PIAS4: variants seen among roughly 807,000 people sequenced by gnomAD.
PIAS4 encodes E3 SUMO-protein ligase PIAS4.
PIAS4 carries 7 observed loss-of-function variants against 58.0 expected under a neutral mutation model. The observed-to-expected ratio is 0.12, with a 90% CI of 0.07 to 0.23. PIAS4 has a LOEUF of 0.23. Ranked by LOEUF, PIAS4 falls within the 10% of genes least tolerant of loss-of-function variation. The probability of loss-of-function intolerance (pLI) is 1.00; values close to 1 mark genes in which losing one functional copy is unlikely to be tolerated. For synonymous variants in PIAS4, 364 were observed against 312.4 expected (o/e 1.17, Z -1.74); for missense variants, 550 against 709.5 (o/e 0.78, Z 2.55).
At chr19:4,030,947 C>T (rs1165208287) in intron 7 of PIAS4, among the ~76,000 whole-genome samples, 1 of 152,186 alleles carries the variant, frequency 6.6e-6, no homozygotes, top group Non-Finnish European at 1.5e-5. Context: ...CTGGGACCAC[C>T]TGCCAGGCTG....
rs753839916 is a variant in PIAS4 at position 4,013,000 on chromosome 19, G to A, written c.105G>A (p.Lys35=). 2 of 1,613,686 alleles carry A rather than the reference G, an allele frequency of 1.2e-6. No individual in the cohort carries two copies. Among genetic ancestry groups the A allele is most frequent in the East Asian group, 2.2e-5 (1 of 44,866 alleles). Residue 35 remains lysine (K), a synonymous_variant, in exon 2 of 11, where the codon AAG becomes AAA. Transcript: ENST00000262971. ...TGGGCCGGAGTAAGAGTGGACTGAA[G>A]CACGAGCTCGTCACCAGGGCCCTCC... ...GFVGRSKSGL[K]HELVTRALQL...
intron 7 of PIAS4, 135 bp downstream of exon 7, chr19:4,029,171 C>A (rs1216913960): frequency 1.5e-6 from 1 of 653,244 alleles, no homozygotes. Context: ...GGGTCCATGG[C>A]CCCCCGGCTG....
At chr19:4,015,385 C>G (rs2040042066) in intron 2 of PIAS4, among the ~76,000 whole-genome samples, 1 of 152,146 alleles carries the variant, frequency 6.6e-6, no homozygotes, top group Admixed American at 6.5e-5. Context: ...CCCCGGTCAC[C>G]TGATCTCCGG....
rs145333626 is a variant in PIAS4, at chr19:4,033,774, A to G, written c.1142+194A>G. Reference sequence around the variant, plus strand: ...CGCGGAACTTCTCAGAGCCTTTGCTATGCAGGTGACAGCCACGTAGCTTAG... The same window carrying G: ...CGCGGAACTTCTCAGAGCCTTTGCTGTGCAGGTGACAGCCACGTAGCTTAG... On this transcript the variant is annotated intron_variant, in intron 9 of 10. Transcript: ENST00000262971. 2.8e-4 allele frequency among the ~76,000 whole-genome samples: 43 copies of G among 152,314 alleles called. No individual in the cohort carries two copies. In the East Asian group the frequency reaches 7.4e-3, roughly 26 times the overall value.
chr19:4,036,817 GTACA>G (rs2040300158), intron 9 of PIAS4, among the ~76,000 whole-genome samples: 1 of 132,866 alleles, frequency 7.5e-6, no homozygotes, highest in Non-Finnish European at 1.5e-5. Context: ...TCACATATCT[GTACA>G]GTCCACACCG....
At chr19:4,016,111 G>A (rs2040051570) in intron 2 of PIAS4, among the ~76,000 whole-genome samples, 1 of 152,238 alleles carries the variant, frequency 6.6e-6, no homozygotes, top group African/African-American at 2.4e-5. Context: ...CTGCAGGCTG[G>A]GAACCCTGTC....
At chr19:4,008,049 C>T (rs755226631) in intron 1 of PIAS4, among the ~76,000 whole-genome samples, 7 of 151,746 alleles carry the variant, frequency 4.6e-5, no homozygotes, top group African/African-American at 1.2e-4. Flanking sequence ...CCCACCCAGC[C>T]CGAGCCCTTA....
intron 2 of PIAS4, among the ~76,000 whole-genome samples, chr19:4,022,104 A>G (rs1332814536): frequency 1.3e-5 from 2 of 152,172 alleles, no homozygotes; most frequent in Non-Finnish European, 2.9e-5. Flanking sequence ...CTTAACAGGT[A>G]AAGAGCTTTT....
Position 4,013,009 on chromosome 19 carries a change from C to T in PIAS4, c.114C>T (p.Leu38=), listed in dbSNP as rs150296283. Residue 38 remains leucine (L), a synonymous_variant, in exon 2 of 11, where the codon CTC becomes CTT. Transcript: ENST00000262971. This position sits in a 1 kb window ranked among gnomAD's most constrained non-coding sequence, Gnocchi z 5.1. The stretch of plus-strand genomic sequence containing the variant: ...GTAAGAGTGGACTGAAGCACGAGCT[C>T]GTCACCAGGGCCCTCCAGCTGGTGC... ...GRSKSGLKHE[L]VTRALQLVQF... is the part of the protein sequence containing the mutation. 14 of 1,613,640 alleles carry T rather than the reference C, an allele frequency of 8.7e-6. No individual in the cohort carries two copies. Among genetic ancestry groups the T allele is most frequent in the Non-Finnish European group, 1.2e-5 (14 of 1,179,976 alleles).
At chr19:4,007,927 G>T in intron 1 of PIAS4, 140 bp downstream of exon 1, 1 of 534,624 alleles carries the variant, frequency 1.9e-6, no homozygotes, top group Non-Finnish European at 2.7e-6. Context: ...CCCAGACCCC[G>T]ACCCCCGGTC....
intron 7 of PIAS4, among the ~76,000 whole-genome samples, chr19:4,032,557 C>T (rs2040232391): frequency 1.3e-5 from 2 of 152,372 alleles, no homozygotes; most frequent in South Asian, 4.1e-4. Flanking sequence ...CCCCATGTTC[C>T]GTGCAGCTTG....
chr19:4,038,082 C>A lies in PIAS4; in HGVS notation c.*207C>A. 4 of 551,426 alleles carry A rather than the reference C, an allele frequency of 7.3e-6. No individual in the cohort carries two copies. Among genetic ancestry groups the A allele is most frequent in the South Asian group, 5.3e-5 (2 of 37,876 alleles). 34.2% of individuals were successfully genotyped at this position (551,426 alleles called of 1,614,324 possible). On this transcript the variant is annotated 3_prime_UTR_variant, in exon 11 of 11. Coordinates refer to ENST00000262971, the MANE Select transcript of PIAS4 (RefSeq NM_015897.4). This position sits in a 1 kb window ranked among gnomAD's most constrained non-coding sequence, Gnocchi z 4.1. ...AAAAGTAAAATGACAAAAAAAGATA[C>A]AAAAAAGAAAAATGAAACAAAAAAG...
At chr19:4,016,049 C>T (rs1599217868) in intron 2 of PIAS4, among the ~76,000 whole-genome samples, 1 of 152,244 alleles carries the variant, frequency 6.6e-6, no homozygotes, top group Non-Finnish European at 1.5e-5. Context: ...TGCCTTCCCT[C>T]CTCCCGAGCC....
chr19:4,011,742 G>T (rs1300489126), intron 1 of PIAS4, among the ~76,000 whole-genome samples: 10 of 46,354 alleles, frequency 2.2e-4, no homozygotes, highest in East Asian at 5.6e-4. Flanking sequence ...GGAGGTGTGT[G>T]GGGTGTGGAG....
At chr19:4,011,888 TGTG>T (rs1167230506) in intron 1 of PIAS4, among the ~76,000 whole-genome samples, 1 of 49,428 alleles carries the variant, frequency 2.0e-5, no homozygotes, top group South Asian at 6.5e-4. Context: ...GGTGTGGAGG[TGTG>T]GGGGGTGTGG....
rs897908684 is a variant in PIAS4, at chr19:4,036,608, A to C, written c.1143-766A>C. 8.4e-4 allele frequency among the ~76,000 whole-genome samples: 120 copies of C among 142,672 alleles called. 13 individuals carry two copies. Among genetic ancestry groups the C allele is most frequent in the African/African-American group, 3.3e-3 (112 of 34,400 alleles). The allele number at this position is 142,672 out of a possible 152,430, so 93.6% of individuals were successfully genotyped here. On this transcript the variant is annotated intron_variant, in intron 9 of 10. Transcript: ENST00000262971. ...CACACCGTCATACACACACACATCT[A>C]TACAGTCCACACCGTCTCACATCTA...
At chr19:4,008,657 A>ACTGATT (rs2039965691) in intron 1 of PIAS4, among the ~76,000 whole-genome samples, 1 of 152,002 alleles carries the variant, frequency 6.6e-6, no homozygotes, top group South Asian at 2.1e-4. Flanking sequence ...ATCTGAGGCT[A>ACTGATT]CTGATTCTGC....
At chr19:4,010,186 T>C (rs1219657451) in intron 1 of PIAS4, among the ~76,000 whole-genome samples, 2 of 152,194 alleles carry the variant, frequency 1.3e-5, no homozygotes, top group Non-Finnish European at 2.9e-5. Context: ...TCCTGAATGC[T>C]TGTCCCCCCC....
intron 2 of PIAS4, among the ~76,000 whole-genome samples, chr19:4,016,034 C>T (rs1024897954): frequency 2.0e-5 from 3 of 152,222 alleles, no homozygotes; most frequent in African/African-American, 4.8e-5. Context: ...GGTCGCACAG[C>T]GGCCTGCCTT....
Sources: gnomAD v4.1 joint callset for allele counts (sites outside exome capture counted in the v4.1 genomes callset) on GRCh38, gnomAD v4.1.1 for gene constraint, Gnocchi (gnomAD v3.1) non-coding constraint, MANE v1.5 for transcripts, NCBI Gene and HGNC (gene_info 2026-07-23, HGNC 2026-07-21) for gene names.